DENND1B: variants seen among roughly 807,000 people sequenced by gnomAD.
DENND1B encodes the protein DENN domain containing 1B.
In DENND1B, 59 loss-of-function variants were observed where a neutral mutation model predicts 90.1. The observed-to-expected ratio is 0.65, with a 90% confidence interval of 0.53 to 0.81. The LOEUF is 0.81. Among genes scored for constraint, DENND1B ranks in the 40% least tolerant of loss-of-function variants. DENND1B has a pLI of 0.00. For missense variants in DENND1B, 862 were observed against 912.6 expected, an observed-to-expected ratio of 0.94 and a Z score of 0.71; for synonymous variants, 337 against 324.6, an observed-to-expected ratio of 1.04 and a Z score of -0.41.
intron 3 of DENND1B, among the ~76,000 whole-genome samples, chr1:197,691,098 T>C (rs1014311879): frequency 2.0e-5 from 3 of 151,738 alleles, no homozygotes; most frequent in Non-Finnish European, 4.4e-5. Context: ...AAGGCAAAAA[T>C]AGACAAGTGG....
chr1:197,661,902 T>C (rs1455659913), intron 5 of DENND1B, among the ~76,000 whole-genome samples: 1 of 152,046 alleles, frequency 6.6e-6, no homozygotes, highest in African/African-American at 2.4e-5. Flanking sequence ...ATATAATTTA[T>C]CTGTAAGACT....
rs1393614642 is a variant in DENND1B at position 197,506,206 on chromosome 1, C to T, written c.*4254G>A. 2.6e-5 allele frequency: 4 copies of T among 151,470 alleles called. No homozygotes were observed. The highest frequency in any genetic ancestry group is 7.3e-5 in the African/African-American group (3 of 41,340). The allele number at this position is 151,470 out of a possible 1,614,324, so 9.4% of individuals were successfully genotyped here. A position where few individuals can be genotyped will look rare whatever the true frequency, so the allele number is the denominator to read the frequency against. ...TGCAAGAAAAATTATTGCACGAAAT[C>T]CTATTTTCAAAATAAAATATTCTTC... On this transcript the variant is annotated 3_prime_UTR_variant, in exon 23 of 23. Transcript: ENST00000620048.
intron 15 of DENND1B, among the ~76,000 whole-genome samples, chr1:197,565,857 T>C (rs1368132305): frequency 6.7e-6 from 1 of 149,380 alleles, no homozygotes. Context: ...CCATGGTGTA[T>C]ATGTGCCACA....
chr1:197,560,574 G>C (rs1004452815), intron 15 of DENND1B, among the ~76,000 whole-genome samples: 7 of 151,866 alleles, frequency 4.6e-5, no homozygotes, highest in African/African-American at 1.7e-4. Flanking sequence ...AATGGGAAAA[G>C]AGGATTCCAG....
intron 15 of DENND1B, among the ~76,000 whole-genome samples, chr1:197,560,620 AGTAGGAACAG>A (rs1400834210): frequency 6.6e-6 from 1 of 151,862 alleles, no homozygotes; most frequent in Non-Finnish European, 1.5e-5. Context: ...CCCACACTGG[AGTAGGAACAG>A]GCAGGTACTC....
Position 197,510,739 on chromosome 1 carries a change from T to C in DENND1B, c.2049A>G (p.Gly683=). Residue 683 remains glycine (G), a synonymous_variant, in exon 23 of 23, where the codon GGA becomes GGG. Coordinates refer to ENST00000620048, the MANE Select transcript of DENND1B (RefSeq NM_001195215.2). ...GADNVSDPTS[G]LDFQLTSPEV... Reference sequence around the variant, plus strand: ...CAGGGGAAGTGAGTTGGAAATCCAGTCCTGAAGTAGGGTCACTCACATTGT... The same window carrying C: ...CAGGGGAAGTGAGTTGGAAATCCAGCCCTGAAGTAGGGTCACTCACATTGT... The C allele has an allele frequency of 2.5e-6, 4 of 1,612,736 alleles. No homozygotes were observed. Among genetic ancestry groups the C allele is most frequent in the Non-Finnish European group, 3.4e-6 (4 of 1,179,176 alleles).
intron 13 of DENND1B, among the ~76,000 whole-genome samples, chr1:197,596,322 T>C (rs930231906): frequency 6.6e-6 from 1 of 151,998 alleles, no homozygotes; most frequent in Non-Finnish European, 1.5e-5. Context: ...GAGGAGGAGA[T>C]ATAAAATGCT....
chr1:197,592,108 C>CAAAAAAAA (rs71286564), intron 14 of DENND1B, among the ~76,000 whole-genome samples: 4 of 55,806 alleles, frequency 7.2e-5, no homozygotes, highest in East Asian at 5.7e-4. Context: ...GATTCCATCT[C>CAAAAAAAA]AAAAAAAAAA....
intron 5 of DENND1B, 149 bp downstream of exon 5, chr1:197,671,888 T>G: frequency 1.4e-6 from 1 of 729,194 alleles, no homozygotes; most frequent in Non-Finnish European, 2.0e-6. Context: ...TCTTTAAACT[T>G]AACTGATTCT....
intron 2 of DENND1B, among the ~76,000 whole-genome samples, chr1:197,766,082 A>G (rs558954464): frequency 6.6e-6 from 1 of 152,316 alleles, no homozygotes; most frequent in East Asian, 1.9e-4. Flanking sequence ...GCAGTGCAAA[A>G]GAAAAAACAG....
chr1:197,563,265 G>C (rs144011903), intron 15 of DENND1B, among the ~76,000 whole-genome samples: 1 of 152,106 alleles, frequency 6.6e-6, no homozygotes, highest in African/African-American at 2.4e-5. Context: ...CATAGCTAGA[G>C]AGGAGAAGTC....
At chr1:197,778,564 A>G (rs948422185), upstream of DENND1B, among the ~76,000 whole-genome samples, 3 of 151,972 alleles carry the variant, frequency 2.0e-5, no homozygotes, top group Admixed American at 2.0e-4. Flanking sequence ...GTAGTCCCAG[A>G]TAATAAGGAG....
intron 3 of DENND1B, among the ~76,000 whole-genome samples, chr1:197,706,218 T>C (rs923495912): frequency 3.9e-5 from 6 of 152,178 alleles, no homozygotes; most frequent in Non-Finnish European, 7.4e-5. Flanking sequence ...TCCCATTTAT[T>C]TGAAGACATA....
chr1:197,688,231 C>A (rs2477075), intron 3 of DENND1B, among the ~76,000 whole-genome samples: 127,787 of 152,124 alleles, frequency 0.84, 53,961 homozygotes, highest in African/African-American at 0.92. Context: ...ACATCATTAC[C>A]ATAGCCATAA....
chr1:197,634,103 T>C (rs971482373), intron 10 of DENND1B, among the ~76,000 whole-genome samples: 77 of 152,284 alleles, frequency 5.1e-4, no homozygotes, highest in African/African-American at 1.6e-3. Flanking sequence ...GCCCTCTCCA[T>C]TGGAGTCTGG....
At position 197,508,269 on chromosome 1, in the gene DENND1B, G is replaced by A. The variant is rs1005229369; in HGVS notation, c.*2191C>T. The A allele has an allele frequency of 1.3e-5, 2 of 151,620 alleles. No individual in the cohort carries two copies. The highest frequency in any genetic ancestry group is 2.4e-5 in the African/African-American group (1 of 41,356). The allele number at this position is 151,620 out of a possible 1,614,324, so 9.4% of individuals were successfully genotyped here. ...TTTCACAAATTATGAAGGAATATTTGCCAAGCAGATTAACAACCAGAGTAA... is the reference window on the plus strand; with the variant it reads ...TTTCACAAATTATGAAGGAATATTTACCAAGCAGATTAACAACCAGAGTAA... On this transcript the variant is annotated 3_prime_UTR_variant, in exon 23 of 23. Coordinates refer to ENST00000620048, the MANE Select transcript of DENND1B (RefSeq NM_001195215.2).
intron 20 of DENND1B, among the ~76,000 whole-genome samples, chr1:197,530,440 CTA>C (rs1311033685): frequency 6.6e-6 from 1 of 152,160 alleles, no homozygotes; most frequent in East Asian, 1.9e-4. Flanking sequence ...TGAGTGAAGA[CTA>C]TACTCAATTT....
chr1:197,542,941 A>ATTTT lies in DENND1B; in HGVS notation c.1351-1930_1351-1927dup, dbSNP rs1553280761. Among the ~76,000 whole-genome samples, 101 of 151,132 alleles carry ATTTT rather than the reference A, an allele frequency of 6.7e-4. No individual in the cohort carries two copies. In the East Asian group the frequency reaches 0.013, roughly 20 times the overall value. On this transcript the variant is annotated intron_variant, in intron 18 of 22. Coordinates refer to ENST00000620048, the MANE Select transcript of DENND1B (RefSeq NM_001195215.2). ...TTTTTATTTATTTATTTATTTATTT[A>ATTTT]TTTTTTTCCCTGAGACAAAGTCTCA...
At chr1:197,659,481 T>C (rs1260507464) in intron 5 of DENND1B, among the ~76,000 whole-genome samples, 1 of 151,982 alleles carries the variant, frequency 6.6e-6, no homozygotes, top group East Asian at 1.9e-4. Context: ...AAAACTGATA[T>C]GATACTTTAA....
Sources: allele counts gnomAD v4.1 joint callset (sites outside exome capture counted in the v4.1 genomes callset), GRCh38; gene constraint gnomAD v4.1.1; transcripts MANE v1.5; gene names NCBI Gene and HGNC (gene_info 2026-07-23, HGNC 2026-07-21).